NFIB: variants seen among roughly 807,000 people sequenced by gnomAD.
The protein encoded by NFIB is nuclear factor 1 B-type.
NFIB carries 11 observed loss-of-function variants against 61.5 expected under a neutral mutation model. The ratio of observed to expected loss-of-function variants is 0.18; its 90% CI spans 0.11 to 0.30. The LOEUF (loss-of-function observed/expected upper bound fraction) is 0.30, where lower values mean the gene tolerates loss of function less well. Ranked by LOEUF, NFIB falls within the 10% of genes least tolerant of loss-of-function variation. The pLI, the probability that NFIB is intolerant of heterozygous loss-of-function variation, is 1.00. For missense variants in NFIB, 471 were observed against 608.9 expected, an observed-to-expected ratio of 0.77 and a Z score of 2.38; for synonymous variants, 260 against 216.5, an observed-to-expected ratio of 1.20 and a Z score of -1.76.
chr9:14,089,718 T>C (rs573639047), intron 10 of NFIB, among the ~76,000 whole-genome samples: 11 of 152,226 alleles, frequency 7.2e-5, no homozygotes, highest in African/African-American at 2.4e-4. Flanking sequence ...GATAGCACTA[T>C]TGTTGTAGCT....
chr9:14,416,892 C>T, the NFIB span, among the ~76,000 whole-genome samples: 27 of 126,924 alleles, frequency 2.1e-4, 1 homozygote, highest in African/African-American at 8.3e-4. Context: ...ACTATTTTTA[C>T]TTTTTTTTTT....
At chr9:14,484,799 T>G in the NFIB span, among the ~76,000 whole-genome samples, 2 of 152,246 alleles carry the variant, frequency 1.3e-5, no homozygotes, top group Non-Finnish European at 2.9e-5. Flanking sequence ...AGCCTGTATC[T>G]GTATGGAGGC....
chr9:14,286,680 C>T (rs1442406625), intron 2 of NFIB, among the ~76,000 whole-genome samples: 3 of 152,204 alleles, frequency 2.0e-5, no homozygotes, highest in Non-Finnish European at 1.5e-5. Context: ...CTGTCTCTCA[C>T]TACTATAAAA....
chr9:14,495,446 C>CTTTTTTTTTTTTTTTTTT, the NFIB span, among the ~76,000 whole-genome samples: 225 of 117,214 alleles, frequency 1.9e-3, 20 homozygotes, highest in African/African-American at 5.4e-3. Flanking sequence ...GAGAAATGAA[C>CTTTTTTTTTTTTTTTTTT]TTTTTTTTTT....
the NFIB span, among the ~76,000 whole-genome samples, chr9:14,458,995 T>C: frequency 6.6e-6 from 1 of 152,164 alleles, no homozygotes; most frequent in African/African-American, 2.4e-5. Context: ...ATGACTTTCT[T>C]CACAGAATTG....
chr9:14,257,786 T>A (rs767887195), intron 2 of NFIB, among the ~76,000 whole-genome samples: 10 of 152,006 alleles, frequency 6.6e-5, no homozygotes, highest in Non-Finnish European at 1.5e-4. Context: ...GAAAGAAACA[T>A]AATTCTAAGA....
At chr9:14,263,349 C>T (rs2132257034) in intron 2 of NFIB, among the ~76,000 whole-genome samples, 1 of 151,916 alleles carries the variant, frequency 6.6e-6, no homozygotes. Flanking sequence ...TCAGTTCTTC[C>T]CTATGAAGAA....
chr9:14,142,581 C>T (rs2041859745), intron 6 of NFIB, among the ~76,000 whole-genome samples: 1 of 151,854 alleles, frequency 6.6e-6, no homozygotes, highest in Non-Finnish European at 1.5e-5. Context: ...CAAAAGATTG[C>T]TCTAAAGAAA....
chr9:14,414,458 G>A, the NFIB span, among the ~76,000 whole-genome samples: 3 of 144,266 alleles, frequency 2.1e-5, no homozygotes, highest in South Asian at 4.3e-4. Flanking sequence ...AAAAGAAAAC[G>A]TAATTGGACA....
At chr9:14,403,098 T>C (rs1564061051), upstream of NFIB, among the ~76,000 whole-genome samples, 1 of 152,224 alleles carries the variant, frequency 6.6e-6, no homozygotes, top group Admixed American at 6.5e-5. Flanking sequence ...ATGCATTGTT[T>C]GAGCAGAACA....
intron 2 of NFIB, among the ~76,000 whole-genome samples, chr9:14,226,763 T>C (rs903997591): frequency 5.9e-5 from 9 of 152,150 alleles, no homozygotes; most frequent in African/African-American, 2.2e-4. Context: ...GGACTAATAA[T>C]TAAAATCACC....
chr9:14,404,951 A>G, the NFIB span, among the ~76,000 whole-genome samples: 1 of 152,204 alleles, frequency 6.6e-6, no homozygotes, highest in Admixed American at 6.5e-5. Flanking sequence ...CAGTTTACGG[A>G]AGAGACTCCG....
At chr9:14,169,408 C>T (rs1203316334) in intron 3 of NFIB, among the ~76,000 whole-genome samples, 1 of 152,024 alleles carries the variant, frequency 6.6e-6, no homozygotes, top group East Asian at 1.9e-4. Context: ...ATGCCAAGGT[C>T]CCTAAAGAGC....
At chr9:14,299,861 T>C (rs1216040633) in intron 2 of NFIB, among the ~76,000 whole-genome samples, 5 of 152,116 alleles carry the variant, frequency 3.3e-5, no homozygotes, top group African/African-American at 1.2e-4. Context: ...ATTTTGAAGG[T>C]TTTTTAAAAA....
upstream of NFIB, chr9:14,399,029 C>T (rs1261186055): frequency 9.1e-6 from 2 of 219,304 alleles, no homozygotes; most frequent in Admixed American, 5.8e-5. Context: ...TGAAATGTGG[C>T]TTGCATGAAT....
chr9:14,441,784 C>G, the NFIB span, among the ~76,000 whole-genome samples: 3 of 152,080 alleles, frequency 2.0e-5, no homozygotes, highest in Non-Finnish European at 4.4e-5. Context: ...TAGTTGCTAT[C>G]CATCCCTAGC....
intron 1 of NFIB, among the ~76,000 whole-genome samples, chr9:14,379,462 C>T (rs1039153505): frequency 1.3e-5 from 2 of 152,150 alleles, no homozygotes; most frequent in Non-Finnish European, 2.9e-5. Flanking sequence ...GCTGTAAGAT[C>T]CGAATGCAGG....
At chr9:14,308,598 G>A (rs564612658) in intron 1 of NFIB, among the ~76,000 whole-genome samples, 1 of 152,162 alleles carries the variant, frequency 6.6e-6, no homozygotes, top group Non-Finnish European at 1.5e-5. Context: ...TGCATGCTGT[G>A]GTGGGGTGAC....
intron 2 of NFIB, among the ~76,000 whole-genome samples, chr9:14,225,456 C>CAAAAA (rs1228589594): frequency 1.0e-3 from 60 of 57,910 alleles, no homozygotes; most frequent in Non-Finnish European, 1.2e-3. Context: ...GACTCCGTCT[C>CAAAAA]AAAAAAAAAA....
Sources: gnomAD v4.1 joint callset for allele counts (sites outside exome capture counted in the v4.1 genomes callset) on GRCh38, gnomAD v4.1.1 for gene constraint, MANE v1.5 for transcripts, NCBI Gene and HGNC (gene_info 2026-07-23, HGNC 2026-07-21) for gene names.